The following FOXP2 variants were observed in gnomAD, a reference collection of about 807,000 sequenced individuals.
FOXP2 encodes the protein forkhead box protein P2.
FOXP2 carries 12 observed loss-of-function variants against 115.8 expected under a neutral mutation model. That is an observed-to-expected ratio of 0.10 (90% CI 0.07 to 0.17). The LOEUF is 0.17. Among genes scored for constraint, FOXP2 ranks in the 10% least tolerant of loss-of-function variants. The probability of loss-of-function intolerance (pLI) is 1.00; values close to 1 mark genes in which losing one functional copy is unlikely to be tolerated. For synonymous variants in FOXP2, 328 were observed against 297.7 expected (o/e 1.10, Z -1.05); for missense variants, 629 against 843.5 (o/e 0.75, Z 3.15).
At chr7:114,406,152 A>C (rs1023795166) in intron 2 of FOXP2, among the ~76,000 whole-genome samples, 1 of 151,954 alleles carries the variant, frequency 6.6e-6, no homozygotes, top group Non-Finnish European at 1.5e-5. Flanking sequence ...TTGCTTCTAA[A>C]GCACTAGTGT....
intron 3 of FOXP2, among the ~76,000 whole-genome samples, chr7:114,562,441 A>T (rs374169237): frequency 1.2e-4 from 18 of 152,266 alleles, no homozygotes; most frequent in African/African-American, 4.3e-4. Flanking sequence ...CTTCTACTTC[A>T]GAGAAAAAAT....
At chr7:114,465,059 T>C (rs1795743993) in intron 2 of FOXP2, among the ~76,000 whole-genome samples, 1 of 152,238 alleles carries the variant, frequency 6.6e-6, no homozygotes, top group Non-Finnish European at 1.5e-5. Context: ...GTGGACATTA[T>C]AGTTGATTTA....
chr7:114,125,573 G>A (rs1462942223), intron 1 of FOXP2, among the ~76,000 whole-genome samples: 1 of 152,072 alleles, frequency 6.6e-6, no homozygotes, highest in African/African-American at 2.4e-5. Context: ...AGGGAACTCA[G>A]AGATCTTAAA....
intron 2 of FOXP2, among the ~76,000 whole-genome samples, chr7:114,503,610 T>C (rs1208320900): frequency 6.6e-6 from 1 of 150,842 alleles, no homozygotes; most frequent in African/African-American, 2.4e-5. Flanking sequence ...GGAATTATTA[T>C]TTAATATAAT....
chr7:114,503,545 A>T lies in FOXP2; in HGVS notation c.169-31072A>T, dbSNP rs186682698. On this transcript the variant is annotated intron_variant, in intron 2 of 16. Transcript: ENST00000350908. Reference sequence around the variant, plus strand: ...CATGCTCTATCAACATCAAGGATACATTTATTATATCTAATTTTATATTTC... The same window carrying T: ...CATGCTCTATCAACATCAAGGATACTTTTATTATATCTAATTTTATATTTC... 5.2e-3 allele frequency among the ~76,000 whole-genome samples: 782 copies of T among 151,256 alleles called. 2 individuals carry two copies. Among genetic ancestry groups the T allele is most frequent in the Non-Finnish European group, 8.0e-3 (543 of 67,560 alleles).
intron 3 of FOXP2, among the ~76,000 whole-genome samples, chr7:114,582,418 T>A (rs1404415058): frequency 6.6e-6 from 1 of 152,142 alleles, no homozygotes; most frequent in Non-Finnish European, 1.5e-5. Flanking sequence ...TCATGTAAAA[T>A]AAGGAAAGGG....
chr7:114,558,685 T>C (rs989707953), intron 3 of FOXP2, among the ~76,000 whole-genome samples: 3 of 152,318 alleles, frequency 2.0e-5, no homozygotes, highest in Admixed American at 1.3e-4. Context: ...TATACTAATG[T>C]CCATTTATTC....
chr7:114,596,238 T>C (rs1320376739), intron 3 of FOXP2, among the ~76,000 whole-genome samples: 1 of 152,022 alleles, frequency 6.6e-6, no homozygotes, highest in African/African-American at 2.4e-5. Context: ...CTTGGAGTGG[T>C]TTTTCATTGA....
intron 2 of FOXP2, among the ~76,000 whole-genome samples, chr7:114,406,117 G>A (rs1418883925): frequency 6.9e-6 from 1 of 144,780 alleles, no homozygotes; most frequent in Non-Finnish European, 1.5e-5. Context: ...AAGATTTTAA[G>A]TCTAATTGGA....
intron 6 of FOXP2, 148 bp from the exon 7 acceptor site, chr7:114,642,262 T>C (rs1805576077): frequency 1.5e-6 from 1 of 666,722 alleles, no homozygotes; most frequent in East Asian, 2.7e-5. Flanking sequence ...TTGGTGCTGA[T>C]AGTGTAAAAG....
intron 3 of FOXP2, among the ~76,000 whole-genome samples, chr7:114,625,828 A>G (rs1804541014): frequency 6.6e-6 from 1 of 151,784 alleles, no homozygotes; most frequent in African/African-American, 2.4e-5. Flanking sequence ...ATGTGGATTT[A>G]GAGATGATAG....
intron 1 of FOXP2, among the ~76,000 whole-genome samples, chr7:114,127,500 A>G (rs568016470): frequency 1.3e-5 from 2 of 152,286 alleles, no homozygotes; most frequent in East Asian, 1.9e-4. Context: ...GAATTCAGAA[A>G]GGTGTAACTC....
At chr7:114,395,585 A>G (rs939533163) in intron 2 of FOXP2, among the ~76,000 whole-genome samples, 4 of 152,184 alleles carry the variant, frequency 2.6e-5, no homozygotes, top group Non-Finnish European at 4.4e-5. Flanking sequence ...CCTCATACCC[A>G]GAATACTTTT....
chr7:114,518,758 G>T (rs374935371), intron 2 of FOXP2, among the ~76,000 whole-genome samples: 2 of 152,064 alleles, frequency 1.3e-5, no homozygotes, highest in South Asian at 2.1e-4. Context: ...TTCCCGCCTC[G>T]GCCTCCCAAA....
chr7:114,163,663 G>A (rs1439567517), intron 1 of FOXP2, among the ~76,000 whole-genome samples: 2 of 152,156 alleles, frequency 1.3e-5, no homozygotes, highest in African/African-American at 4.8e-5. Context: ...TAAAAGATAT[G>A]TATTAATGAT....
chr7:114,126,834 T>G (rs1379116189), intron 1 of FOXP2, among the ~76,000 whole-genome samples: 1 of 152,206 alleles, frequency 6.6e-6, no homozygotes, highest in African/African-American at 2.4e-5. Flanking sequence ...TCTTTTAGAT[T>G]CTCCCAATTC....
intron 3 of FOXP2, among the ~76,000 whole-genome samples, chr7:114,610,667 T>A (rs565910468): frequency 7.6e-4 from 116 of 151,856 alleles, no homozygotes; most frequent in African/African-American, 2.7e-3. Flanking sequence ...AGAGGTTTTT[T>A]CAATTTGTGT....
chr7:114,196,963 G>A (rs1349267820), intron 1 of FOXP2, among the ~76,000 whole-genome samples: 1 of 152,110 alleles, frequency 6.6e-6, no homozygotes, highest in Non-Finnish European at 1.5e-5. Context: ...AGGCCGAGGT[G>A]GAAGGATTAC....
intron 2 of FOXP2, among the ~76,000 whole-genome samples, chr7:114,491,391 A>G (rs1369227833): frequency 6.6e-6 from 1 of 152,012 alleles, no homozygotes; most frequent in Non-Finnish European, 1.5e-5. Flanking sequence ...AGTTCATTGT[A>G]GATTCTGGAT....
Sources: allele counts gnomAD v4.1 joint callset (sites outside exome capture counted in the v4.1 genomes callset), GRCh38; gene constraint gnomAD v4.1.1; transcripts MANE v1.5; gene names NCBI Gene and HGNC (gene_info 2026-07-23, HGNC 2026-07-21).